The following SLC16A12 variants were observed in gnomAD, a reference collection of about 807,000 sequenced individuals.
The protein encoded by SLC16A12 is monocarboxylate transporter 12.
SLC16A12 carries 17 observed loss-of-function variants against 42.4 expected under a neutral mutation model. The ratio of observed to expected loss-of-function variants is 0.40; its 90% CI spans 0.27 to 0.60. SLC16A12 has a LOEUF of 0.60. SLC16A12 is among the 20% of genes least tolerant of loss of function. The pLI is 0.42. For missense variants in SLC16A12, 544 were observed against 623.0 expected, an observed-to-expected ratio of 0.87 and a Z score of 1.35; for synonymous variants, 224 against 229.4, an observed-to-expected ratio of 0.98 and a Z score of 0.21.
intron 5 of SLC16A12, among the ~76,000 whole-genome samples, chr10:89,440,042 G>GCCTGAGGAC (rs1841879073): frequency 8.2e-6 from 1 of 121,968 alleles, no homozygotes; most frequent in Non-Finnish European, 1.6e-5. Context: ...CTGCACTCCA[G>GCCTGAGGAC]CCTGAGGACC....
intron 2 of SLC16A12, among the ~76,000 whole-genome samples, chr10:89,464,973 T>C (rs1842368231): frequency 6.6e-6 from 1 of 152,068 alleles, no homozygotes; most frequent in South Asian, 2.1e-4. Context: ...ACTAAACCTA[T>C]TGATAAAGAA....
At chr10:89,470,698 T>C (rs970991180) in intron 2 of SLC16A12, among the ~76,000 whole-genome samples, 4 of 152,226 alleles carry the variant, frequency 2.6e-5, no homozygotes, top group Non-Finnish European at 5.9e-5. Flanking sequence ...GCCCTGGCCA[T>C]ATGGAGAATA....
At chr10:89,440,478 G>C (rs543374712) in intron 5 of SLC16A12, among the ~76,000 whole-genome samples, 63 of 152,226 alleles carry the variant, frequency 4.1e-4, no homozygotes, top group African/African-American at 1.4e-3. Context: ...GCCCAGACAG[G>C]AGTTGGCGCT....
chr10:89,540,346 G>A (rs928147653), upstream of SLC16A12, among the ~76,000 whole-genome samples: 27 of 151,998 alleles, frequency 1.8e-4, no homozygotes, highest in African/African-American at 6.5e-4. Flanking sequence ...CGATCCTCCC[G>A]CCTTGGCCTC....
At chr10:89,464,228 A>G (rs1157070077) in intron 2 of SLC16A12, among the ~76,000 whole-genome samples, 2 of 152,172 alleles carry the variant, frequency 1.3e-5, no homozygotes, top group Non-Finnish European at 2.9e-5. Flanking sequence ...GTGAGCCTGG[A>G]AGCAGATTTT....
Position 89,462,256 on chromosome 10 carries a change from C to A in SLC16A12, c.200+123G>T. The A allele has an allele frequency of 3.0e-6, 4 of 1,353,718 alleles. No individual in the cohort carries two copies. In the East Asian group the frequency reaches 7.4e-5, roughly 25 times the overall value. 83.9% of individuals were successfully genotyped at this position (1,353,718 alleles called of 1,614,324 possible). On this transcript the variant is annotated intron_variant, in intron 3 of 7. Transcript: ENST00000371790. Reference sequence around the variant, plus strand: ...GATACCTGAAGAGTCAACGGAAATACACACACACCACATGAACACACACAT... The same window carrying A: ...GATACCTGAAGAGTCAACGGAAATAAACACACACCACATGAACACACACAT...
At chr10:89,538,796 G>T (rs148432683), upstream of SLC16A12, among the ~76,000 whole-genome samples, 1 of 152,164 alleles carries the variant, frequency 6.6e-6, no homozygotes, top group Non-Finnish European at 1.5e-5. Context: ...GAATGACAAA[G>T]ATTTTTTTCC....
Position 89,433,271 on chromosome 10 carries a change from A to G in SLC16A12, c.1344T>C (p.Phe448=). 6.2e-7 allele frequency: 1 copy of G among 1,614,202 alleles called. No homozygotes were observed. The highest frequency in any genetic ancestry group is 1.1e-5 in the South Asian group (1 of 91,082). The change falls in exon 8 of 8, where the codon TTT becomes TTC. Residue 448 remains phenylalanine, a synonymous_variant. Coordinates refer to ENST00000371790, the MANE Select transcript of SLC16A12 (RefSeq NM_213606.4). ...GCAACACAGAACTAAATATCATTGAAAATCCACAGAGGAGGAATGCTGCAG... is the reference window on the plus strand; with the variant it reads ...GCAACACAGAACTAAATATCATTGAGAATCCACAGAGGAGGAATGCTGCAG... The part of the protein sequence containing the change: ...SYTAAFLLCG[F]SMIFSSVLLG...
chr10:89,517,880 G>C lies in SLC16A12; in HGVS notation c.-47+16621C>G, dbSNP rs915774507. Among the ~76,000 whole-genome samples, 4 of 151,890 alleles carry C rather than the reference G, an allele frequency of 2.6e-5. No homozygotes were observed. The East Asian group carries it at 7.7e-4, about 29-fold the overall frequency. The stretch of plus-strand genomic sequence containing the variant: ...CCCTATTACAACTTTTCAAGAAAAA[G>C]GAAAAATTAAGAAACACTACTATAT... On this transcript the variant is annotated intron_variant, in intron 2 of 7. Transcript: ENST00000371790.
chr10:89,471,118 T>C (rs970469261), intron 2 of SLC16A12, among the ~76,000 whole-genome samples: 1 of 152,338 alleles, frequency 6.6e-6, no homozygotes, highest in Non-Finnish European at 1.5e-5. Flanking sequence ...AGGTATAACT[T>C]ACATACAATA....
chr10:89,462,322 T>G (rs1842314409), intron 3 of SLC16A12, 57 bp downstream of exon 3: 1 of 1,610,432 alleles, frequency 6.2e-7, no homozygotes, highest in Non-Finnish European at 8.5e-7. Context: ...TGAAGCAGAT[T>G]TAAAAGAAAA....
At chr10:89,499,620 C>T (rs1432063997) in intron 2 of SLC16A12, among the ~76,000 whole-genome samples, 1 of 152,054 alleles carries the variant, frequency 6.6e-6, no homozygotes, top group Non-Finnish European at 1.5e-5. Context: ...GTGACACAAC[C>T]TATCAAAACC....
At chr10:89,461,799 T>A (rs939471842) in intron 3 of SLC16A12, among the ~76,000 whole-genome samples, 1 of 152,232 alleles carries the variant, frequency 6.6e-6, no homozygotes, top group South Asian at 2.1e-4. Flanking sequence ...TAAGCTAACT[T>A]ACCTTCTCAG....
In SLC16A12 at chr10:89,438,766, G is replaced by C; in HGVS notation, c.866C>G (p.Ser289Cys). The change falls in exon 6 of 8, where the codon TCC becomes TGC. Residue 289 changes from serine (S) to cysteine (C), a missense_variant. By Grantham distance (112) the Ser-to-Cys change is moderately radical. Coordinates refer to ENST00000371790, the MANE Select transcript of SLC16A12 (RefSeq NM_213606.4). ...GCAGCCATAAGCCATAAACAGAACG[G>C]AGACGGCTAACACAACAAAGTCTGA... ...LMSDFVVLAV[S>C]VLFMAYGCSP... 6.2e-7 allele frequency: 1 copy of C among 1,614,142 alleles called. No individual in the cohort carries two copies. Among genetic ancestry groups the C allele is most frequent in the Non-Finnish European group, 8.5e-7 (1 of 1,180,042 alleles).
intron 7 of SLC16A12, among the ~76,000 whole-genome samples, chr10:89,435,744 T>A (rs748014156): frequency 6.6e-6 from 1 of 152,126 alleles, no homozygotes; most frequent in Non-Finnish European, 1.5e-5. Flanking sequence ...TCCCTCTGAA[T>A]GCACCCTACT....
chr10:89,475,029 T>A (rs2133775329), intron 2 of SLC16A12, among the ~76,000 whole-genome samples: 1 of 152,336 alleles, frequency 6.6e-6, no homozygotes, highest in East Asian at 1.9e-4. Flanking sequence ...CTGACATGTG[T>A]TTGCTAAATG....
At chr10:89,471,021 TCA>T (rs1842485982) in intron 2 of SLC16A12, among the ~76,000 whole-genome samples, 1 of 152,120 alleles carries the variant, frequency 6.6e-6, no homozygotes, top group Non-Finnish European at 1.5e-5. Context: ...CAGAGTAACC[TCA>T]GATTTGGCTG....
chr10:89,494,733 C>A (rs557689100), intron 2 of SLC16A12, among the ~76,000 whole-genome samples: 1 of 152,082 alleles, frequency 6.6e-6, no homozygotes, highest in Non-Finnish European at 1.5e-5. Context: ...AAGAAGGAAG[C>A]CAAACTGCAG....
At chr10:89,439,587 C>T (rs1841868289) in intron 5 of SLC16A12, among the ~76,000 whole-genome samples, 1 of 152,178 alleles carries the variant, frequency 6.6e-6, no homozygotes, top group African/African-American at 2.4e-5. Flanking sequence ...ACAACACTGA[C>T]AATCTGCACC....
Sources: allele counts gnomAD v4.1 joint callset (sites outside exome capture counted in the v4.1 genomes callset), GRCh38; gene constraint gnomAD v4.1.1; transcripts MANE v1.5; gene names NCBI Gene and HGNC (gene_info 2026-07-23, HGNC 2026-07-21).